BTBD9: variants seen among roughly 807,000 people sequenced by gnomAD.
The protein encoded by BTBD9 is BTB domain containing 9, also known as BTB/POZ domain-containing protein 9.
A neutral mutation model predicts 64.3 loss-of-function variants in BTBD9; 49 were observed. The ratio of observed to expected loss-of-function variants is 0.76; its 90% CI spans 0.61 to 0.97. The LOEUF is 0.97. Ranked by LOEUF, BTBD9 falls within the 50% of genes least tolerant of loss-of-function variation. BTBD9 has a pLI of 0.00. For synonymous variants in BTBD9, 260 were observed against 274.7 expected (o/e 0.95, Z 0.53); for missense variants, 598 against 762.1 (o/e 0.78, Z 2.53).
intron 6 of BTBD9, among the ~76,000 whole-genome samples, chr6:38,449,079 CAA>C (rs2127329373): frequency 6.6e-6 from 1 of 152,212 alleles, no homozygotes; most frequent in Non-Finnish European, 1.5e-5. Context: ...AAAACCAAAA[CAA>C]GAGAGGACCT....
intron 9 of BTBD9, among the ~76,000 whole-genome samples, chr6:38,193,388 T>A (rs979079946): frequency 8.5e-5 from 13 of 152,198 alleles, no homozygotes; most frequent in Non-Finnish European, 1.6e-4. Flanking sequence ...TCCACAGGCC[T>A]CTACCCCCTT....
chr6:38,608,721 A>G (rs1282544641), intron 1 of BTBD9, among the ~76,000 whole-genome samples: 1 of 152,234 alleles, frequency 6.6e-6, no homozygotes, highest in East Asian at 1.9e-4. Context: ...GAATTGTAAA[A>G]TAAAAAAAGA....
intron 4 of BTBD9, chr6:38,587,989 C>T (rs1776617477): frequency 5.4e-6 from 4 of 741,782 alleles, no homozygotes; most frequent in Admixed American, 1.8e-5. Context: ...TAGCAGCTCA[C>T]CCACCAGGAG....
At chr6:38,609,277 G>A (rs1777533594) in intron 1 of BTBD9, among the ~76,000 whole-genome samples, 1 of 152,146 alleles carries the variant, frequency 6.6e-6, no homozygotes, top group South Asian at 2.1e-4. Flanking sequence ...GGCTGAGGCA[G>A]GAGGTTCACA....
At chr6:38,465,996 AAGATGGGGGTCTCACT>A (rs1404075858) in intron 6 of BTBD9, among the ~76,000 whole-genome samples, 1 of 150,864 alleles carries the variant, frequency 6.6e-6, no homozygotes, top group Non-Finnish European at 1.5e-5. Context: ...ATGCCCAGCT[AAGATGGGGGTCTCACT>A]ATGTTGTCCA....
chr6:38,387,235 A>G (rs1766212765), intron 6 of BTBD9, among the ~76,000 whole-genome samples: 1 of 152,234 alleles, frequency 6.6e-6, no homozygotes, highest in Non-Finnish European at 1.5e-5. Context: ...TAGTAAGTCT[A>G]GGATAATAAG....
chr6:38,325,022 G>A (rs1002686679), intron 7 of BTBD9, among the ~76,000 whole-genome samples: 5 of 151,998 alleles, frequency 3.3e-5, no homozygotes, highest in Non-Finnish European at 5.9e-5. Context: ...GATGACATAC[G>A]GTAAGGACTA....
In BTBD9 at chr6:38,426,214, C is replaced by T. The variant is rs1768140183; in HGVS notation, c.1155-81121G>A. Among the ~76,000 whole-genome samples the T allele has an allele frequency of 3.9e-5, 6 of 151,928 alleles. No individual in the cohort carries two copies. The South Asian group carries it at 1.2e-3, about 31-fold the overall frequency. Reference sequence around the variant, plus strand: ...GAATCCCTAAGCCTAGCTGGGAAGGCCGCATCCACCTTTAAACACGGGGCT... The same window carrying T: ...GAATCCCTAAGCCTAGCTGGGAAGGTCGCATCCACCTTTAAACACGGGGCT... On this transcript the variant is annotated intron_variant, in intron 6 of 10. Coordinates refer to ENST00000481247, the MANE Select transcript of BTBD9 (RefSeq NM_001099272.2).
At chr6:38,450,556 G>T (rs1183017007) in intron 6 of BTBD9, among the ~76,000 whole-genome samples, 1 of 151,610 alleles carries the variant, frequency 6.6e-6, no homozygotes, top group African/African-American at 2.4e-5. Context: ...TAAAAAGAAA[G>T]AAAAAAAAGA....
intron 10 of BTBD9, among the ~76,000 whole-genome samples, chr6:38,180,945 T>G (rs1761527077): frequency 1.3e-5 from 2 of 152,232 alleles, no homozygotes; most frequent in Admixed American, 1.3e-4. Context: ...CTTGCCTCTC[T>G]GGGAGCCATA....
chr6:38,425,360 TC>T (rs1225432666), intron 6 of BTBD9, among the ~76,000 whole-genome samples: 2 of 151,830 alleles, frequency 1.3e-5, no homozygotes, highest in Non-Finnish European at 2.9e-5. Context: ...TGCCTCGGCC[TC>T]CCAAAGTGCT....
chr6:38,262,946 G>T (rs1407975198), intron 8 of BTBD9, among the ~76,000 whole-genome samples: 2 of 152,154 alleles, frequency 1.3e-5, no homozygotes, highest in East Asian at 3.8e-4. Context: ...GGCCTGTTTT[G>T]CCTGTTTCTA....
chr6:38,622,309 T>C (rs182836849), intron 1 of BTBD9, among the ~76,000 whole-genome samples: 12 of 152,326 alleles, frequency 7.9e-5, no homozygotes, highest in African/African-American at 2.6e-4. Flanking sequence ...TTAGTCCCTG[T>C]TGATAACTTT....
chr6:38,496,392 T>C (rs1366530416), intron 6 of BTBD9, among the ~76,000 whole-genome samples: 10 of 152,076 alleles, frequency 6.6e-5, no homozygotes, highest in Admixed American at 6.5e-4. Flanking sequence ...CCTGTAACCA[T>C]AGTACTTTGG....
In BTBD9 at chr6:38,172,396, C is replaced by G. The variant is rs995797770; in HGVS notation, c.*2589G>C. 1.4e-4 allele frequency: 22 copies of G among 152,518 alleles called. No homozygotes were observed. Among genetic ancestry groups the G allele is most frequent in the African/African-American group, 5.3e-4 (22 of 41,596 alleles). The allele number at this position is 152,518 out of a possible 1,614,324, so 9.4% of individuals were successfully genotyped here. On this transcript the variant is annotated 3_prime_UTR_variant, in exon 11 of 11. Transcript: ENST00000481247. ...TGGTAGCCACTCACTTGTCCCTGTTCCCTGGAGATGAGGTCCTTGCCCTGG... is the reference window on the plus strand; with the variant it reads ...TGGTAGCCACTCACTTGTCCCTGTTGCCTGGAGATGAGGTCCTTGCCCTGG...
chr6:38,351,768 G>T (rs1157614135), intron 6 of BTBD9, among the ~76,000 whole-genome samples: 1 of 151,852 alleles, frequency 6.6e-6, no homozygotes, highest in African/African-American at 2.4e-5. Context: ...CAAAGTGCTG[G>T]GATTACAGGC....
chr6:38,507,789 T>C (rs75787664), intron 6 of BTBD9, among the ~76,000 whole-genome samples: 4 of 151,738 alleles, frequency 2.6e-5, no homozygotes, highest in East Asian at 1.9e-4. Context: ...CATGTACTTG[T>C]AGAGTTTCAG....
intron 6 of BTBD9, among the ~76,000 whole-genome samples, chr6:38,375,919 G>T (rs1433567780): frequency 1.5e-5 from 2 of 137,032 alleles, no homozygotes; most frequent in Admixed American, 1.5e-4. Flanking sequence ...AAGAAAGAAA[G>T]AAAGAAAGAA....
At chr6:38,228,789 G>T (rs1205360741) in intron 9 of BTBD9, among the ~76,000 whole-genome samples, 1 of 151,568 alleles carries the variant, frequency 6.6e-6, no homozygotes, top group African/African-American at 2.4e-5. Context: ...CAGGAGAATC[G>T]CTTGAACCCA....
Sources: allele counts gnomAD v4.1 joint callset (sites outside exome capture counted in the v4.1 genomes callset), GRCh38; gene constraint gnomAD v4.1.1; transcripts MANE v1.5; gene names NCBI Gene and HGNC (gene_info 2026-07-23, HGNC 2026-07-21).